ZFYVE28: variants seen among roughly 807,000 people sequenced by gnomAD.
ZFYVE28 encodes zinc finger FYVE-type containing 28, also known as lateral signaling target protein 2 homolog.
Under a neutral mutation model 82.1 loss-of-function variants are expected in ZFYVE28, and 40 were observed. The ratio of observed to expected loss-of-function variants is 0.49; its 90% confidence interval spans 0.38 to 0.63. The LOEUF (loss-of-function observed/expected upper bound fraction) is 0.63. Among genes scored for constraint, ZFYVE28 ranks in the 30% least tolerant of loss-of-function variants. The pLI is 0.00. For synonymous variants in ZFYVE28, 612 were observed against 546.1 expected, an observed-to-expected ratio of 1.12 and a Z score of -1.68; for missense variants, 1,321 against 1,242.1, an observed-to-expected ratio of 1.06 and a Z score of -0.96.
At chr4:2,291,417 G>A (rs1440845935) in intron 8 of ZFYVE28, among the ~76,000 whole-genome samples, 1 of 152,134 alleles carries the variant, frequency 6.6e-6, no homozygotes, top group Non-Finnish European at 1.5e-5. Context: ...TCACGGGGAG[G>A]CCCCATCCCC....
At chr4:2,319,836 C>G (rs377152217) in intron 7 of ZFYVE28, among the ~76,000 whole-genome samples, 1 of 34,782 alleles carries the variant, frequency 2.9e-5, no homozygotes, top group African/African-American at 1.1e-4. Flanking sequence ...ATGGTGGGGA[C>G]GGTGGGGACG....
intron 1 of ZFYVE28, among the ~76,000 whole-genome samples, chr4:2,387,380 T>G (rs1578344681): frequency 6.6e-6 from 1 of 152,202 alleles, no homozygotes; most frequent in African/African-American, 2.4e-5. Context: ...ACCCATCACT[T>G]GGCCTGCTTG....
At chr4:2,316,020 C>A (rs1379814897) in intron 7 of ZFYVE28, among the ~76,000 whole-genome samples, 1 of 152,000 alleles carries the variant, frequency 6.6e-6, no homozygotes, top group Non-Finnish European at 1.5e-5. Context: ...CAGTTTGGGT[C>A]TCTTCTATTA....
At chr4:2,403,566 G>A (rs1220397528) in intron 1 of ZFYVE28, among the ~76,000 whole-genome samples, 1 of 152,164 alleles carries the variant, frequency 6.6e-6, no homozygotes, top group African/African-American at 2.4e-5. Flanking sequence ...GCTCACCAGG[G>A]CTGGGGCAGC....
chr4:2,324,196 C>G (rs1347061011), intron 6 of ZFYVE28, among the ~76,000 whole-genome samples: 1 of 152,148 alleles, frequency 6.6e-6, no homozygotes, highest in African/African-American at 2.4e-5. Flanking sequence ...CAGCTCCAAT[C>G]CAAGGAGTCT....
intron 1 of ZFYVE28, among the ~76,000 whole-genome samples, chr4:2,378,644 G>C (rs1462975430): frequency 1.3e-5 from 2 of 152,086 alleles, no homozygotes; most frequent in Non-Finnish European, 2.9e-5. Flanking sequence ...GCTGGGGCTG[G>C]TCCTCCTGTG....
At chr4:2,365,852 C>T (rs1226018166) in intron 1 of ZFYVE28, among the ~76,000 whole-genome samples, 1 of 152,198 alleles carries the variant, frequency 6.6e-6, no homozygotes, top group East Asian at 1.9e-4. Context: ...CACACAAGCA[C>T]GCATGTTTGT....
intron 8 of ZFYVE28, among the ~76,000 whole-genome samples, chr4:2,290,902 C>G (rs746666743): frequency 2.0e-5 from 3 of 152,246 alleles, no homozygotes; most frequent in African/African-American, 4.8e-5. Context: ...TAGACACAGC[C>G]CAGCTCTTGA....
Position 2,416,368 on chromosome 4 carries a change from G to A in ZFYVE28, c.39+1917C>T, listed in dbSNP as rs777876879. Among the ~76,000 whole-genome samples the A allele has an allele frequency of 1.3e-5, 2 of 152,166 alleles. No homozygotes were observed. Among genetic ancestry groups the A allele is most frequent in the South Asian group, 4.1e-4 (2 of 4,828 alleles). Reference sequence around the variant, plus strand: ...GCGGCCTCTTCCACAGCCACGTCCGGAGGGGCATCCCCTAGTGTCCCAGCA... The same window carrying A: ...GCGGCCTCTTCCACAGCCACGTCCGAAGGGGCATCCCCTAGTGTCCCAGCA... On this transcript the variant is annotated intron_variant, in intron 1 of 12. Coordinates refer to ENST00000290974, the MANE Select transcript of ZFYVE28 (RefSeq NM_020972.3). The surrounding 1 kb of genome is among the most constrained non-coding windows in gnomAD (Gnocchi z 4.6).
Position 2,417,752 on chromosome 4 carries a change from A to G in ZFYVE28, c.39+533T>C, listed in dbSNP as rs1373574847. ...GTCTGCCCTGGACCCAGGGATTGGG[A>G]AATGTGGGTTCTCTCAGAACCTGGG... On this transcript the variant is annotated intron_variant, in intron 1 of 12. Transcript: ENST00000290974. The surrounding 1 kb of genome is among the most constrained non-coding windows in gnomAD (Gnocchi z 4.8). Among the ~76,000 whole-genome samples the G allele has an allele frequency of 6.6e-6, 1 of 151,770 alleles. No individual in the cohort carries two copies. Among genetic ancestry groups the G allele is most frequent in the Non-Finnish European group, 1.5e-5 (1 of 67,948 alleles).
At chr4:2,359,991 C>A (rs1038713004) in intron 1 of ZFYVE28, among the ~76,000 whole-genome samples, 1 of 152,224 alleles carries the variant, frequency 6.6e-6, no homozygotes, top group African/African-American at 2.4e-5. Context: ...ACCTGAGCCT[C>A]GGAGCCTTTA....
intron 1 of ZFYVE28, among the ~76,000 whole-genome samples, chr4:2,376,772 A>G (rs1446497443): frequency 1.3e-5 from 2 of 152,030 alleles, no homozygotes; most frequent in African/African-American, 4.8e-5. Context: ...ACAAAGCCAA[A>G]CCATATCACT....
chr4:2,302,670 G>T (rs1715749493), intron 8 of ZFYVE28, among the ~76,000 whole-genome samples: 1 of 152,172 alleles, frequency 6.6e-6, no homozygotes, highest in Admixed American at 6.5e-5. Context: ...ACAAAAACTT[G>T]GACGAAAATT....
At chr4:2,399,045 G>GGCACAAGCGTGGAGGTGAGATCCAGT (rs1730841076) in intron 1 of ZFYVE28, among the ~76,000 whole-genome samples, 2 of 138,070 alleles carry the variant, frequency 1.4e-5, no homozygotes, top group Admixed American at 7.2e-5. Context: ...TGAGATCCAG[G>GGCACAAGCGTGGAGGTGAGATCCAGT]GCACAAGCGT....
intron 8 of ZFYVE28, 32 bp from the exon 9 acceptor site, chr4:2,274,248 G>C (rs550613121): frequency 6.9e-6 from 11 of 1,601,446 alleles, no homozygotes; most frequent in Admixed American, 1.7e-5. Flanking sequence ...GGTGTGTGGG[G>C]TGGGGCATGA....
chr4:2,397,414 C>T (rs1482049016), intron 1 of ZFYVE28, among the ~76,000 whole-genome samples: 2 of 146,272 alleles, frequency 1.4e-5, no homozygotes, highest in African/African-American at 5.1e-5. Context: ...GGAGGTGGAG[C>T]TTGCAGTGAG....
At position 2,273,251 on chromosome 4, in the gene ZFYVE28, G is replaced by A. The variant is rs1736077264; in HGVS notation, c.2245C>T (p.Leu749=). The part of the protein sequence containing the change: ...DQLQTNYASD[L]RSILKTLFEV... Reference sequence around the variant, plus strand: ...AACAGTGTTTTAAGAATACTTCTCAGGTCACTGGCATAGTTCGTCTGCAGC... The same window carrying A: ...AACAGTGTTTTAAGAATACTTCTCAAGTCACTGGCATAGTTCGTCTGCAGC... Residue 749 remains leucine (L), a synonymous_variant, in exon 10 of 13, where the codon CTG becomes TTG. Transcript: ENST00000290974. 6.2e-7 allele frequency: 1 copy of A among 1,613,430 alleles called. No homozygotes were observed. Among genetic ancestry groups the A allele is most frequent in the South Asian group, 1.1e-5 (1 of 91,086 alleles).
chr4:2,309,862 T>G (rs1452505590), intron 7 of ZFYVE28, among the ~76,000 whole-genome samples: 4 of 152,332 alleles, frequency 2.6e-5, no homozygotes, highest in African/African-American at 9.6e-5. Flanking sequence ...TTTCTTGTTC[T>G]GTTTTGTTTA....
chr4:2,328,804 CT>C (rs34334027), intron 6 of ZFYVE28: 63,476 of 214,514 alleles, frequency 0.3, 5,728 homozygotes, highest in Middle Eastern at 0.39. Flanking sequence ...CAACTTTGTT[CT>C]TTTTTTTTTT....
Sources: gnomAD v4.1 joint callset for allele counts (sites outside exome capture counted in the v4.1 genomes callset) on GRCh38, gnomAD v4.1.1 for gene constraint, Gnocchi (gnomAD v3.1) non-coding constraint, MANE v1.5 for transcripts, NCBI Gene and HGNC (gene_info 2026-07-23, HGNC 2026-07-21) for gene names.